The following TRIP13 variants were observed in gnomAD, a reference collection of about 807,000 sequenced individuals.
TRIP13 encodes pachytene checkpoint protein 2 homolog.
In TRIP13, 25 loss-of-function variants were observed where a neutral mutation model predicts 54.4. The ratio of observed to expected loss-of-function variants is 0.46; its 90% CI spans 0.33 to 0.64. The LOEUF (loss-of-function observed/expected upper bound fraction) is 0.64. Ranked by LOEUF, TRIP13 falls within the 30% of genes least tolerant of loss-of-function variation. The pLI, the probability that TRIP13 is intolerant of heterozygous loss-of-function variation, is 0.02. For missense variants in TRIP13, 373 were observed against 534.2 expected, an observed-to-expected ratio of 0.70 and a Z score of 2.97; for synonymous variants, 207 against 207.8, an observed-to-expected ratio of 1.00 and a Z score of 0.03.
Position 893,008 on chromosome 5 carries a change from G to A in TRIP13, c.10G>A (p.Ala4Thr). 6.4e-7 allele frequency: 1 copy of A among 1,562,936 alleles called. No individual in the cohort carries two copies. The highest frequency in any genetic ancestry group is 8.6e-7 in the Non-Finnish European group (1 of 1,158,240). The change falls in exon 1 of 13, where the codon GCC becomes ACC. Residue 4 changes from alanine (A) to threonine (T), a missense_variant. Physicochemically the swap from Ala to Thr is moderately conservative, Grantham distance 58 (BLOSUM62 0). This residue lies in a region of TRIP13 where 151 missense variants were observed against 151.9 expected (regional missense o/e 0.99). Transcript: ENST00000166345. MDE[A>T]VGDLKQALPC... ...TGCTCTCGGGGGCGCCATGGACGAGGCCGTGGGCGACCTGAAGCAGGCGCT... is the reference window on the plus strand; with the variant it reads ...TGCTCTCGGGGGCGCCATGGACGAGACCGTGGGCGACCTGAAGCAGGCGCT...
chr5:902,016 A>G lies in TRIP13; in HGVS notation c.535+585A>G, dbSNP rs539798038. ...AGATGCCCCAAACGTGGATAATACT[A>G]AACCTTATGTAGACTATTTTTTCCT... On this transcript the variant is annotated intron_variant, in intron 5 of 12. Transcript: ENST00000166345. Among the ~76,000 whole-genome samples the G allele has an allele frequency of 3.9e-5, 6 of 152,346 alleles. No homozygotes were observed. In the South Asian group the frequency reaches 1.0e-3, roughly 26 times the overall value.
chr5:894,051 A>G (rs1753809046), intron 1 of TRIP13, among the ~76,000 whole-genome samples: 1 of 152,182 alleles, frequency 6.6e-6, no homozygotes. Context: ...CAGAGTTCAT[A>G]GACACCTGCA....
intron 9 of TRIP13, among the ~76,000 whole-genome samples, chr5:909,737 A>G (rs1182158907): frequency 6.6e-6 from 1 of 152,246 alleles, no homozygotes; most frequent in East Asian, 1.9e-4. Flanking sequence ...ATATTAAATT[A>G]ACTAAAAGTA....
chr5:904,107 GC>G (rs756688346), intron 5 of TRIP13, 40 bp from the exon 6 acceptor site: 2 of 1,566,834 alleles, frequency 1.3e-6, no homozygotes, highest in Non-Finnish European at 1.7e-6. Context: ...ATTTGTTGTA[GC>G]ACTGACTTAA....
At position 907,157 on chromosome 5, in the gene TRIP13, A is replaced by C. The variant is rs1436401362; in HGVS notation, c.636A>C (p.Ile212=). The C allele has an allele frequency of 6.2e-7, 1 of 1,614,004 alleles. No homozygotes were observed. Among genetic ancestry groups the C allele is most frequent in the East Asian group, 2.2e-5 (1 of 44,902 alleles). ...SRYRYGQLIE[I]NSHSLFSKWF... is the part of the protein sequence containing the mutation. ...ACCGATATGGCCAATTAATTGAAATAAACAGCCACAGCCTCTTTTCTAAGT... is the reference window on the plus strand; with the variant it reads ...ACCGATATGGCCAATTAATTGAAATCAACAGCCACAGCCTCTTTTCTAAGT... Residue 212 remains isoleucine, a synonymous_variant, in exon 7 of 13, where the codon ATA becomes ATC. Coordinates refer to ENST00000166345, the MANE Select transcript of TRIP13 (RefSeq NM_004237.4). The surrounding 1 kb of genome is among the most constrained non-coding windows in gnomAD (Gnocchi z 4.1).
In TRIP13 at chr5:915,947, T is replaced by A. The variant is rs552489321; in HGVS notation, c.1177T>A (p.Phe393Ile). 5 of 1,614,130 alleles carry A rather than the reference T, an allele frequency of 3.1e-6. No individual in the cohort carries two copies. In the African/African-American group the frequency reaches 6.7e-5, roughly 22 times the overall value. ...CGGCCGGGTCCTGAGAAAACTCCCC[T>A]TTCTGGCTCATGCGCTGTATGTCCA... ...LSGRVLRKLP[F>I]LAHALYVQAP... The change falls in exon 12 of 13, where the codon TTT (phenylalanine) becomes ATT (isoleucine). Residue 393 changes from phenylalanine to isoleucine, a missense_variant. This residue lies in a region of TRIP13 where 101 missense variants were observed against 138.5 expected (regional missense o/e 0.73). Transcript: ENST00000166345. The surrounding 1 kb of genome is among the most constrained non-coding windows in gnomAD (Gnocchi z 4.2).
chr5:907,309 T>A lies in TRIP13; in HGVS notation c.672+116T>A. On this transcript the variant is annotated intron_variant, in intron 7 of 12. Transcript: ENST00000166345. This position sits in a 1 kb window ranked among gnomAD's most constrained non-coding sequence, Gnocchi z 4.1. Reference sequence around the variant, plus strand: ...GAGAGAACTGGGTGGGAAGGGTGTGTGAGGATTGGGGCTGACTGTGATCAG... The same window carrying A: ...GAGAGAACTGGGTGGGAAGGGTGTGAGAGGATTGGGGCTGACTGTGATCAG... The A allele has an allele frequency of 1.1e-6, 1 of 937,602 alleles. No individual in the cohort carries two copies. Among genetic ancestry groups the A allele is most frequent in the South Asian group, 1.5e-5 (1 of 67,878 alleles). The allele number at this position is 937,602 out of a possible 1,614,324, so 58.1% of individuals were successfully genotyped here. A position where few individuals can be genotyped will look rare whatever the true frequency, so the allele number is the denominator to read the frequency against.
At chr5:905,521 G>A (rs1483680774) in intron 6 of TRIP13, among the ~76,000 whole-genome samples, 1 of 152,118 alleles carries the variant, frequency 6.6e-6, no homozygotes, top group Non-Finnish European at 1.5e-5. Flanking sequence ...TCGACTCAGC[G>A]AGTGGCTGTG....
chr5:905,678 T>C (rs1754100682), intron 6 of TRIP13, among the ~76,000 whole-genome samples: 2 of 152,186 alleles, frequency 1.3e-5, no homozygotes, highest in African/African-American at 4.8e-5. Context: ...CAGATGTCAT[T>C]TCATCCATTT....
Position 907,161 on chromosome 5 carries a change from A to G in TRIP13, c.640A>G (p.Ser214Gly), listed in dbSNP as rs1299207471. Residue 214 changes from serine to glycine, a missense_variant, in exon 7 of 13, where the codon AGC becomes GGC. Physicochemically the swap from Ser to Gly is moderately conservative, Grantham distance 56 (BLOSUM62 0). Coordinates refer to ENST00000166345, the MANE Select transcript of TRIP13 (RefSeq NM_004237.4). The surrounding 1 kb of genome is among the most constrained non-coding windows in gnomAD (Gnocchi z 4.1). The stretch of plus-strand genomic sequence containing the variant: ...ATATGGCCAATTAATTGAAATAAAC[A>G]GCCACAGCCTCTTTTCTAAGTGGTT... Reference protein sequence around the residue: ...YRYGQLIEINSHSLFSKWFSE... With the variant: ...YRYGQLIEINGHSLFSKWFSE... 1 of 1,613,984 alleles carries G rather than the reference A, an allele frequency of 6.2e-7. No homozygotes were observed. Among genetic ancestry groups the G allele is most frequent in the Non-Finnish European group, 8.5e-7 (1 of 1,179,930 alleles).
At chr5:918,260 T>C (rs1052949268), downstream of TRIP13, 2 of 152,174 alleles carry the variant, frequency 1.3e-5, no homozygotes, top group Non-Finnish European at 2.9e-5. The surrounding 1 kb of genome is among the most constrained non-coding windows in gnomAD (Gnocchi z 4.3). Context: ...CTGGTCACCG[T>C]GTCGTCTGCT....
chr5:902,253 C>T (rs941165857), intron 5 of TRIP13, among the ~76,000 whole-genome samples: 7 of 152,012 alleles, frequency 4.6e-5, no homozygotes, highest in African/African-American at 7.3e-5. Flanking sequence ...TGAGTGGACT[C>T]GAGAGTATGA....
chr5:908,037 A>T lies in TRIP13; in HGVS notation c.722A>T (p.Asp241Val). ...TTTCAGAAGATTCAGGATTTGATTG[A>T]TGATAAAGACGCCCTGGTGTTCGTG... is the stretch of plus-strand genomic sequence containing the variant. Reference protein sequence around the residue: ...KMFQKIQDLIDDKDALVFVLI... With the variant: ...KMFQKIQDLIVDKDALVFVLI... The change falls in exon 8 of 13, where the codon GAT becomes GTT. Residue 241 changes from aspartate (D) to valine (V), a missense_variant. Transcript: ENST00000166345. This position sits in a 1 kb window ranked among gnomAD's most constrained non-coding sequence, Gnocchi z 5.2. 1 of 1,614,210 alleles carries T rather than the reference A, an allele frequency of 6.2e-7. No homozygotes were observed. The highest frequency in any genetic ancestry group is 1.1e-5 in the South Asian group (1 of 91,084).
intron 1 of TRIP13, 36 bp from the exon 2 acceptor site, chr5:894,751 A>G (rs1176065505): frequency 1.3e-6 from 2 of 1,565,840 alleles, no homozygotes; most frequent in Non-Finnish European, 1.7e-6. Context: ...TTTTTGAACT[A>G]AGATCATTTA....
At chr5:904,035 A>T (rs1191983271) in intron 5 of TRIP13, 113 bp from the exon 6 acceptor site, 3 of 926,694 alleles carry the variant, frequency 3.2e-6, no homozygotes, top group South Asian at 1.8e-5. Context: ...TAATAACATT[A>T]ATAGCTTTTA....
chr5:907,880 C>T lies in TRIP13; in HGVS notation c.673-108C>T. The stretch of plus-strand genomic sequence containing the variant: ...AGCTTTCTGAGGGGCCGTCAGGAGA[C>T]AGTGGGCTTGTGGGGACAACTGGGG... On this transcript the variant is annotated intron_variant, in intron 7 of 12. Transcript: ENST00000166345. The surrounding 1 kb of genome is among the most constrained non-coding windows in gnomAD (Gnocchi z 4.1). 1 of 1,104,052 alleles carries T rather than the reference C, an allele frequency of 9.1e-7. No homozygotes were observed. The highest frequency in any genetic ancestry group is 1.4e-6 in the Non-Finnish European group (1 of 726,694). The allele number at this position is 1,104,052 out of a possible 1,614,324, so 68.4% of individuals were successfully genotyped here.
chr5:902,032 A>G (rs1754003326), intron 5 of TRIP13, among the ~76,000 whole-genome samples: 1 of 152,132 alleles, frequency 6.6e-6, no homozygotes, highest in African/African-American at 2.4e-5. Context: ...TATGTAGACT[A>G]TTTTTTCCTA....
At position 896,704 on chromosome 5, in the gene TRIP13, T is replaced by G; in HGVS notation, c.298T>G (p.Phe100Val). ...LSACTVALHI[F>V]QLNEDGPSSE... is the part of the protein sequence containing the mutation. ...TGCATGCACTGTTGCACTTCACATT[T>G]TCCAGCTGAATGAAGATGGCCCCAG... is the stretch of plus-strand genomic sequence containing the variant. The change falls in exon 3 of 13, where the codon TTC (phenylalanine) becomes GTC (valine). Residue 100 changes from phenylalanine (F) to valine (V), a missense_variant. Physicochemically the swap from Phe to Val is conservative, Grantham distance 50. Coordinates refer to ENST00000166345, the MANE Select transcript of TRIP13 (RefSeq NM_004237.4). The G allele has an allele frequency of 1.2e-6, 2 of 1,613,948 alleles. No homozygotes were observed. The highest frequency in any genetic ancestry group is 1.7e-6 in the Non-Finnish European group (2 of 1,179,870).
At chr5:893,215 C>T (rs1753731983) in intron 1 of TRIP13, 125 bp downstream of exon 1, 7 of 965,360 alleles carry the variant, frequency 7.3e-6, no homozygotes, top group South Asian at 1.6e-5. Context: ...TGATCCGGCC[C>T]GACTGGACCC....
Sources: gnomAD v4.1 joint callset for allele counts (sites outside exome capture counted in the v4.1 genomes callset) on GRCh38, gnomAD v4.1.1 for gene constraint, gnomAD v4.1.1 regional missense constraint, Gnocchi (gnomAD v3.1) non-coding constraint, MANE v1.5 for transcripts, NCBI Gene and HGNC (gene_info 2026-07-23, HGNC 2026-07-21) for gene names.